The following ABCA12 variants were observed in gnomAD, a reference collection of about 807,000 sequenced individuals.
The protein encoded by ABCA12 is glucosylceramide transporter ABCA12.
Under a neutral mutation model 293.5 loss-of-function variants are expected in ABCA12, and 156 were observed. That is an observed-to-expected ratio of 0.53 (90% CI 0.47 to 0.61). The LOEUF is 0.61. Among genes scored for constraint, ABCA12 ranks in the 20% least tolerant of loss-of-function variants. ABCA12 has a pLI of 0.00. For missense variants in ABCA12, 2,797 were observed against 3,090.2 expected (o/e 0.91, Z 2.25); for synonymous variants, 1,063 against 1,108.0 (o/e 0.96, Z 0.81).
chr2:215,135,526 T>C (rs1279798282), intron 1 of ABCA12, among the ~76,000 whole-genome samples: 1 of 152,252 alleles, frequency 6.6e-6, no homozygotes, highest in Non-Finnish European at 1.5e-5. Context: ...CCTGTGTCCA[T>C]AGCTTAATTT....
intron 1 of ABCA12, among the ~76,000 whole-genome samples, chr2:215,131,141 G>C (rs754633456): frequency 9.9e-5 from 15 of 151,830 alleles, no homozygotes; most frequent in Non-Finnish European, 1.6e-4. Context: ...ATTTTGTTGA[G>C]GATTTTTGCA....
chr2:215,129,080 A>G (rs1702993837), intron 1 of ABCA12, among the ~76,000 whole-genome samples: 1 of 152,100 alleles, frequency 6.6e-6, no homozygotes, highest in Non-Finnish European at 1.5e-5. Flanking sequence ...TGGGTCTAGC[A>G]ACCCAGCTAT....
intron 1 of ABCA12, among the ~76,000 whole-genome samples, chr2:215,128,696 ACTT>A (rs1164222131): frequency 6.7e-5 from 10 of 149,660 alleles, no homozygotes; most frequent in Non-Finnish European, 1.3e-4. Flanking sequence ...TTCTCCCTTC[ACTT>A]CTTCTTTCAT....
At chr2:214,984,547 T>G (rs193301932) in intron 28 of ABCA12, among the ~76,000 whole-genome samples, 7 of 152,258 alleles carry the variant, frequency 4.6e-5, no homozygotes, top group African/African-American at 1.7e-4. Context: ...GCTCTATATA[T>G]CTATCAGACA....
At chr2:215,136,458 GTT>G (rs201087158) in intron 1 of ABCA12, among the ~76,000 whole-genome samples, 2 of 150,888 alleles carry the variant, frequency 1.3e-5, no homozygotes, top group East Asian at 3.9e-4. Context: ...AGATTTGGGT[GTT>G]TTTTTTTCCT....
chr2:214,948,817 C>T (rs1244111508), intron 46 of ABCA12, 80 bp from the exon 47 acceptor site: 3 of 1,568,832 alleles, frequency 1.9e-6, no homozygotes, highest in East Asian at 4.5e-5. Context: ...GAAGGTAGCT[C>T]TATTTTGGTC....
chr2:215,109,399 G>T (rs1702525253), intron 2 of ABCA12, among the ~76,000 whole-genome samples: 1 of 152,164 alleles, frequency 6.6e-6, no homozygotes, highest in African/African-American at 2.4e-5. Flanking sequence ...TAAAGTGAGA[G>T]GGTCACTTCT....
chr2:214,958,312 T>C lies in ABCA12; in HGVS notation c.6082A>G (p.Thr2028Ala). 4 of 1,614,052 alleles carry C rather than the reference T, an allele frequency of 2.5e-6. No individual in the cohort carries two copies. The highest frequency in any genetic ancestry group is 3.4e-6 in the Non-Finnish European group (4 of 1,179,888). ...QLQHISGIGVTCYWVTNFIYD... is the reference protein window; with the variant it reads ...QLQHISGIGVACYWVTNFIYD... The stretch of plus-strand genomic sequence containing the variant: ...ATGAAGTTTGTTACCCAGTAGCATG[T>C]CACGCCAATGCCTGAAATGTGCTGC... The change falls in exon 41 of 53, where the codon ACA becomes GCA. Residue 2028 changes from threonine (T) to alanine (A), a missense_variant. Physicochemically the swap from Thr to Ala is moderately conservative, Grantham distance 58. Coordinates refer to ENST00000272895, the MANE Select transcript of ABCA12 (RefSeq NM_173076.3).
At position 215,134,537 on chromosome 2, in the gene ABCA12, T is replaced by C. The variant is rs1381797924; in HGVS notation, c.69+3603A>G. ...ATATGTGTATATATACGTATATATG[T>C]ACATATATACGTATATGTATATATG... On this transcript the variant is annotated intron_variant, in intron 1 of 52. Coordinates refer to ENST00000272895, the MANE Select transcript of ABCA12 (RefSeq NM_173076.3). 1.1e-4 allele frequency among the ~76,000 whole-genome samples: 15 copies of C among 133,866 alleles called. 1 individual carries two copies. Among genetic ancestry groups the C allele is most frequent in the African/African-American group, 2.1e-4 (7 of 33,888 alleles). The allele number at this position is 133,866 out of a possible 152,430, so 87.8% of individuals were successfully genotyped here.
At chr2:215,121,510 T>C (rs1026441850) in intron 1 of ABCA12, among the ~76,000 whole-genome samples, 1 of 152,330 alleles carries the variant, frequency 6.6e-6, no homozygotes, top group African/African-American at 2.4e-5. Context: ...AAGGTTTACA[T>C]TGCGAAGTAA....
chr2:215,125,520 T>C (rs12694353), intron 1 of ABCA12, among the ~76,000 whole-genome samples: 16,299 of 152,140 alleles, frequency 0.11, 1,244 homozygotes, highest in Admixed American at 0.19. Context: ...TCGAGTCCTT[T>C]GTTAGGTATA....
At chr2:215,011,359 C>G in intron 17 of ABCA12, 80 bp downstream of exon 17, 1 of 1,071,394 alleles carries the variant, frequency 9.3e-7, no homozygotes. Context: ...CTTCATTTAT[C>G]ATAAAAAACT....
chr2:215,051,211 T>C (rs79932364), intron 5 of ABCA12, among the ~76,000 whole-genome samples: 9,025 of 152,138 alleles, frequency 0.059, 886 homozygotes, highest in African/African-American at 0.2. Context: ...CTGTGCTTGA[T>C]TGGGGGAAGC....
chr2:214,980,683 A>G, intron 30 of ABCA12, 40 bp from the exon 31 acceptor site: 1 of 1,612,782 alleles, frequency 6.2e-7, no homozygotes, highest in South Asian at 1.1e-5. Context: ...ATGAAACGTG[A>G]AAGTACAGTT....
At chr2:214,943,775 G>T (rs1028770688) in intron 49 of ABCA12, among the ~76,000 whole-genome samples, 8 of 151,974 alleles carry the variant, frequency 5.3e-5, no homozygotes, top group African/African-American at 1.9e-4. Flanking sequence ...TAATTTCATG[G>T]TCTATCATAA....
chr2:215,054,798 A>G (rs1195104500), intron 3 of ABCA12, 134 bp from the exon 4 acceptor site: 1 of 675,786 alleles, frequency 1.5e-6, no homozygotes, highest in Non-Finnish European at 2.6e-6. Flanking sequence ...TTTTAATGGA[A>G]GAATTCACCT....
At chr2:215,019,942 T>C in intron 11 of ABCA12, 146 bp from the exon 12 acceptor site, 2 of 965,486 alleles carry the variant, frequency 2.1e-6, no homozygotes, top group Non-Finnish European at 3.1e-6. Context: ...GCGTTAGTTT[T>C]ATTATGAAGT....
intron 7 of ABCA12, among the ~76,000 whole-genome samples, chr2:215,043,009 A>G (rs1701130444): frequency 6.6e-6 from 1 of 152,096 alleles, no homozygotes; most frequent in Admixed American, 6.6e-5. Flanking sequence ...CACAATGGCC[A>G]TTCTACTTTA....
chr2:214,968,682 C>G, intron 38 of ABCA12, 38 bp downstream of exon 38: 6 of 1,576,828 alleles, frequency 3.8e-6, no homozygotes, highest in Non-Finnish European at 5.2e-6. Context: ...TTCACCTTCT[C>G]ATTTGTATAA....
Sources: allele counts gnomAD v4.1 joint callset (sites outside exome capture counted in the v4.1 genomes callset), GRCh38; gene constraint gnomAD v4.1.1; transcripts MANE v1.5; gene names NCBI Gene and HGNC (gene_info 2026-07-23, HGNC 2026-07-21).